The following LPIN3 variants were observed in gnomAD, a reference collection of about 807,000 sequenced individuals.
The protein encoded by LPIN3 is phosphatidate phosphatase LPIN3.
Under a neutral mutation model 94.7 loss-of-function variants are expected in LPIN3, and 82 were observed. The ratio of observed to expected loss-of-function variants is 0.87; its 90% CI spans 0.72 to 1.04. The LOEUF is 1.04. Ranked by LOEUF, LPIN3 falls within the 50% of genes least tolerant of loss-of-function variation. The pLI, the probability that LPIN3 is intolerant of heterozygous loss-of-function variation, is 0.00. For missense variants in LPIN3, 996 were observed against 1,090.5 expected (o/e 0.91, Z 1.22); for synonymous variants, 418 against 443.3 (o/e 0.94, Z 0.72).
intron 1 of LPIN3, among the ~76,000 whole-genome samples, 167 bp from the exon 2 acceptor site, chr20:41,345,629 C>CA (rs1296336899): frequency 6.6e-6 from 1 of 152,198 alleles, no homozygotes; most frequent in Non-Finnish European, 1.5e-5. Context: ...GGGTTAGACC[C>CA]ACATCTACAG....
chr20:41,358,606 G>A lies in LPIN3; in HGVS notation c.2411+64G>A, dbSNP rs2046300837. 4 of 1,604,400 alleles carry A rather than the reference G, an allele frequency of 2.5e-6. No individual in the cohort carries two copies. The African/African-American group carries it at 5.4e-5, about 22-fold the overall frequency. ...CGTCCCCCTGCCCTGGCTTCTCCCT[G>A]GGCCCCAATTTTACCTCTTACCGGG... On this transcript the variant is annotated intron_variant, in intron 19 of 19. Transcript: ENST00000373257.
chr20:41,358,821 C>G lies in LPIN3; in HGVS notation c.2511C>G (p.Tyr837Ter). Reference sequence around the variant, plus strand: ...ACCCTGAATACAGTAACTTCTGCTACTGGCGGGAGCCACTGCCTGCTGTGG... The same window carrying G: ...ACCCTGAATACAGTAACTTCTGCTAGTGGCGGGAGCCACTGCCTGCTGTGG... ...LANPEYSNFC[Y>*]WREPLPAVDL... Residue 837 changes from tyrosine to a stop codon, truncating the protein, a stop_gained, in exon 20 of 20, where the codon TAC becomes TAG. Coordinates refer to ENST00000373257, the MANE Select transcript of LPIN3 (RefSeq NM_022896.3). LOFTEE classifies it high-confidence loss of function. 1 of 1,614,086 alleles carries G rather than the reference C, an allele frequency of 6.2e-7. No individual in the cohort carries two copies. The highest frequency in any genetic ancestry group is 1.1e-5 in the South Asian group (1 of 91,086).
chr20:41,344,336 T>A (rs1425800245), intron 1 of LPIN3, among the ~76,000 whole-genome samples: 1 of 152,178 alleles, frequency 6.6e-6, no homozygotes, highest in African/African-American at 2.4e-5. Flanking sequence ...CTTTACTCCC[T>A]CTCTCCCCTC....
chr20:41,347,538 C>T lies in LPIN3; in HGVS notation c.193-14C>T. Reference sequence around the variant, plus strand: ...GTGAAGGCCCATGTCCCTGCCACCGCTTTCCATTTGCAGGTAGACATTGAG... The same window carrying T: ...GTGAAGGCCCATGTCCCTGCCACCGTTTTCCATTTGCAGGTAGACATTGAG... On this transcript the variant is annotated splice_polypyrimidine_tract_variant and intron_variant, in intron 2 of 19. Transcript: ENST00000373257. The T allele has an allele frequency of 6.2e-7, 1 of 1,613,272 alleles. No homozygotes were observed. Among genetic ancestry groups the T allele is most frequent in the African/African-American group, 1.3e-5 (1 of 75,056 alleles).
chr20:41,348,975 C>T, intron 4 of LPIN3, 88 bp downstream of exon 4: 1 of 1,577,398 alleles, frequency 6.3e-7, no homozygotes, highest in South Asian at 1.2e-5. Context: ...GGGCAAGGGC[C>T]TTGACCTCTC....
At chr20:41,352,989 C>A in intron 11 of LPIN3, 122 bp downstream of exon 11, 2 of 1,073,516 alleles carry the variant, frequency 1.9e-6, no homozygotes, top group Non-Finnish European at 2.8e-6. Context: ...GGCTAGCTGG[C>A]TGCAAGACTC....
intron 14 of LPIN3, 58 bp downstream of exon 14, chr20:41,356,092 A>G (rs2046200383): frequency 1.3e-6 from 2 of 1,589,874 alleles, no homozygotes; most frequent in Admixed American, 1.7e-5. Context: ...TCTGTCTTAG[A>G]GTCCCTCAGG....
chr20:41,357,203 G>C lies in LPIN3; in HGVS notation c.1952+15G>C. The C allele has an allele frequency of 6.2e-7, 1 of 1,613,664 alleles. No homozygotes were observed. On this transcript the variant is annotated intron_variant, in intron 15 of 19. Coordinates refer to ENST00000373257, the MANE Select transcript of LPIN3 (RefSeq NM_022896.3). ...ACCATCACCAAGTGAGGCCCACCCA[G>C]CTGTGGGAAGGGGAGGGAGAGGGGT...
chr20:41,346,037 C>T, intron 2 of LPIN3, 42 bp downstream of exon 2: 4 of 1,582,712 alleles, frequency 2.5e-6, no homozygotes, highest in Middle Eastern at 2.0e-4. Flanking sequence ...GCAGAGTGGG[C>T]TTTTTAAGCT....
rs570009524 is a variant in LPIN3, at chr20:41,353,398, G to A, written c.1527+531G>A. Among the ~76,000 whole-genome samples, 122 of 152,320 alleles carry A rather than the reference G, an allele frequency of 8.0e-4. 1 individual carries two copies. Among genetic ancestry groups the A allele is most frequent in the African/African-American group, 2.7e-3 (114 of 41,572 alleles). On this transcript the variant is annotated intron_variant, in intron 11 of 19. Transcript: ENST00000373257. ...ATTATCCCTGCTCTCAAAGGAAGAC[G>A]AAGTTAACCAAAGACTCATCCAGAT...
intron 1 of LPIN3, among the ~76,000 whole-genome samples, chr20:41,341,777 C>T (rs547100212): frequency 5.9e-5 from 9 of 152,218 alleles, no homozygotes; most frequent in African/African-American, 1.2e-4. Context: ...GTCAGGAGAT[C>T]GAGACCATCC....
chr20:41,347,390 C>A (rs765114421), intron 2 of LPIN3, among the ~76,000 whole-genome samples, 162 bp from the exon 3 acceptor site: 6 of 152,112 alleles, frequency 3.9e-5, no homozygotes, highest in Non-Finnish European at 7.4e-5. Flanking sequence ...GCAGAGCCCC[C>A]CTTCGTGGGG....
Position 41,354,971 on chromosome 20 carries a change from T to G in LPIN3, c.1664+108T>G, listed in dbSNP as rs1600736239. The G allele has an allele frequency of 1.6e-5, 16 of 1,024,830 alleles. No homozygotes were observed. In the East Asian group the frequency reaches 4.4e-4, roughly 28 times the overall value. The allele number at this position is 1,024,830 out of a possible 1,614,324, so 63.5% of individuals were successfully genotyped here. On this transcript the variant is annotated intron_variant, in intron 13 of 19. Coordinates refer to ENST00000373257, the MANE Select transcript of LPIN3 (RefSeq NM_022896.3). ...CAGCACCCTGTCTCCAGCTGTGGGT[T>G]TTTTTTTTTGTCATTCCTCAAGCAC...
At position 41,350,370 on chromosome 20, in the gene LPIN3, C is replaced by T; in HGVS notation, c.1075C>T (p.Gln359Ter). Reference protein sequence around the residue: ...ATLEVPVPTGQPERVSRGKGS... With the variant: ...ATLEVPVPTG ...TCTGGAGGTTCCAGTTCCCACCGGG[C>T]AGCCAGAGAGGGTCTCCAGGGGGAA... The change falls in exon 7 of 20, where the codon CAG (glutamine) becomes TAG (stop). Residue 359 changes from glutamine (Q) to a stop codon, truncating the protein, a stop_gained. Transcript: ENST00000373257. LOFTEE classifies it high-confidence loss of function. 6.3e-7 allele frequency: 1 copy of T among 1,582,728 alleles called. No homozygotes were observed. The highest frequency in any genetic ancestry group is 2.3e-5 in the East Asian group (1 of 44,320).
chr20:41,357,553 G>A, intron 16 of LPIN3, 106 bp downstream of exon 16: 1 of 999,336 alleles, frequency 1.0e-6, no homozygotes, highest in South Asian at 1.5e-5. Context: ...AAGGCAGGCT[G>A]CCAGGGCAGG....
At chr20:41,353,651 G>C (rs142361007) in intron 11 of LPIN3, among the ~76,000 whole-genome samples, 68 of 152,300 alleles carry the variant, frequency 4.5e-4, no homozygotes, top group African/African-American at 1.5e-3. Flanking sequence ...GGTCTTCCCA[G>C]CCACCTTCCC....
chr20:41,357,718 C>T (rs1027158783), intron 16 of LPIN3, among the ~76,000 whole-genome samples, 164 bp from the exon 17 acceptor site: 1 of 152,258 alleles, frequency 6.6e-6, no homozygotes, highest in African/African-American at 2.4e-5. Context: ...ACTCTGTGCA[C>T]CGTCCAGCTG....
chr20:41,358,828 G>A lies in LPIN3; in HGVS notation c.2518G>A (p.Glu840Lys). Residue 840 changes from glutamate (E) to lysine (K), a missense_variant, in exon 20 of 20, where the codon GAG (glutamate) becomes AAG (lysine). By Grantham distance (56) the Glu-to-Lys change is moderately conservative. Coordinates refer to ENST00000373257, the MANE Select transcript of LPIN3 (RefSeq NM_022896.3). ...ATACAGTAACTTCTGCTACTGGCGGGAGCCACTGCCTGCTGTGGACCTTGA... is the reference window on the plus strand; with the variant it reads ...ATACAGTAACTTCTGCTACTGGCGGAAGCCACTGCCTGCTGTGGACCTTGA... ...PEYSNFCYWR[E>K]PLPAVDLDTL... 1 of 1,614,080 alleles carries A rather than the reference G, an allele frequency of 6.2e-7. No individual in the cohort carries two copies. The highest frequency in any genetic ancestry group is 8.5e-7 in the Non-Finnish European group (1 of 1,180,028).
At chr20:41,354,569 AGGGT>A (rs2046139733) in intron 11 of LPIN3, 72 bp from the exon 12 acceptor site, 3 of 1,401,262 alleles carry the variant, frequency 2.1e-6, no homozygotes, top group South Asian at 2.9e-5. Flanking sequence ...TCATGCGTGG[AGGGT>A]CCCAAGAACA....
Sources: allele counts gnomAD v4.1 joint callset (sites outside exome capture counted in the v4.1 genomes callset), GRCh38; gene constraint gnomAD v4.1.1; transcripts MANE v1.5; gene names NCBI Gene and HGNC (gene_info 2026-07-23, HGNC 2026-07-21).